FOXO3: variants seen among roughly 807,000 people sequenced by gnomAD.
The protein encoded by FOXO3 is forkhead box O3, also known as forkhead box protein O3.
A neutral mutation model predicts 41.9 loss-of-function variants in FOXO3; 4 were observed. The observed-to-expected ratio is 0.10, with a 90% CI of 0.05 to 0.22. FOXO3 has a LOEUF of 0.22. Among genes scored for constraint, FOXO3 ranks in the 10% least tolerant of loss-of-function variants. The probability of loss-of-function intolerance (pLI) is 1.00; values close to 1 mark genes in which losing one functional copy is unlikely to be tolerated. For missense variants in FOXO3, 534 were observed against 906.8 expected, an observed-to-expected ratio of 0.59 and a Z score of 5.28; for synonymous variants, 318 against 389.3, an observed-to-expected ratio of 0.82 and a Z score of 2.16.
At chr6:108,655,978 G>A (rs1246400860) in intron 1 of FOXO3, among the ~76,000 whole-genome samples, 2 of 152,186 alleles carry the variant, frequency 1.3e-5, no homozygotes, top group Non-Finnish European at 2.9e-5. Flanking sequence ...TGTATTGAAA[G>A]ACAGTCCTTT....
intron 1 of FOXO3, among the ~76,000 whole-genome samples, chr6:108,605,912 A>G (rs1777186600): frequency 6.6e-6 from 1 of 152,252 alleles, no homozygotes; most frequent in South Asian, 2.1e-4. Context: ...AGTGCTTTCA[A>G]ATCACTCAAA....
At chr6:108,614,319 A>G (rs200276208) in intron 1 of FOXO3, among the ~76,000 whole-genome samples, 3 of 152,176 alleles carry the variant, frequency 2.0e-5, no homozygotes, top group Non-Finnish European at 4.4e-5. Context: ...CTTCAATTCT[A>G]TTAGATTTTG....
At chr6:108,582,150 C>T (rs1776438121) in intron 1 of FOXO3, among the ~76,000 whole-genome samples, 2 of 152,202 alleles carry the variant, frequency 1.3e-5, no homozygotes, top group Non-Finnish European at 2.9e-5. Flanking sequence ...GAATAAAGGA[C>T]ATTGGCCCTT....
chr6:108,639,470 T>C (rs997301320), intron 1 of FOXO3: 2 of 787,764 alleles, frequency 2.5e-6, no homozygotes, highest in Non-Finnish European at 3.1e-6. Context: ...TAAGACCATG[T>C]TCTTTCTGTG....
chr6:108,582,438 C>A (rs1223154393), intron 1 of FOXO3, among the ~76,000 whole-genome samples: 4 of 152,170 alleles, frequency 2.6e-5, no homozygotes, highest in African/African-American at 4.8e-5. Flanking sequence ...TCAGTCCAGA[C>A]CAATAACATT....
At chr6:108,578,649 C>G (rs1239063028) in intron 1 of FOXO3, among the ~76,000 whole-genome samples, 2 of 152,036 alleles carry the variant, frequency 1.3e-5, no homozygotes, top group Non-Finnish European at 2.9e-5. Context: ...TGATCTTTTT[C>G]TCTTGTTTGT....
At chr6:108,579,682 G>A (rs1250510947) in intron 1 of FOXO3, among the ~76,000 whole-genome samples, 1 of 152,154 alleles carries the variant, frequency 6.6e-6, no homozygotes, top group African/African-American at 2.4e-5. Context: ...CTGGGGGCAA[G>A]GAGAGAGGGT....
At chr6:108,617,866 A>G in intron 1 of FOXO3, 1 of 320,684 alleles carries the variant, frequency 3.1e-6, no homozygotes, top group South Asian at 2.9e-5. Flanking sequence ...ATGGAGAAGG[A>G]GGAAATGAAC....
chr6:108,569,986 GGTTTTTTTTT>G (rs1776049378), intron 1 of FOXO3, among the ~76,000 whole-genome samples: 1 of 82,700 alleles, frequency 1.2e-5, no homozygotes, highest in African/African-American at 4.7e-5. Flanking sequence ...TCCCTTGCGT[GGTTTTTTTTT>G]TTTTTTTTTT....
rs1776276779 is a variant in FOXO3, at chr6:108,576,870, C to G, written c.621+15041C>G. ...TTCTGCCTTAAACAGGATCATAAAG[C>G]TTTCAAAAATTTTTTTTTCAGCTTG... On this transcript the variant is annotated intron_variant, in intron 1 of 2. Coordinates refer to ENST00000406360, the MANE Select transcript of FOXO3 (RefSeq NM_001455.4). 2.6e-5 allele frequency among the ~76,000 whole-genome samples: 4 copies of G among 152,114 alleles called. No individual in the cohort carries two copies. In the South Asian group the frequency reaches 8.3e-4, roughly 32 times the overall value.
At chr6:108,588,694 G>A (rs1776652855) in intron 1 of FOXO3, among the ~76,000 whole-genome samples, 1 of 152,220 alleles carries the variant, frequency 6.6e-6, no homozygotes, top group South Asian at 2.1e-4. Flanking sequence ...GTGCCTCGCT[G>A]ACTGGGAAAC....
chr6:108,623,231 T>C (rs760946781), intron 1 of FOXO3, among the ~76,000 whole-genome samples: 1 of 152,216 alleles, frequency 6.6e-6, no homozygotes, highest in Non-Finnish European at 1.5e-5. Context: ...CGTAGTCGTC[T>C]CAGGAGCCTA....
At chr6:108,650,829 C>CT (rs907345839) in intron 1 of FOXO3, among the ~76,000 whole-genome samples, 2 of 152,106 alleles carry the variant, frequency 1.3e-5, no homozygotes, top group African/African-American at 4.8e-5. Flanking sequence ...TTTATTTGAT[C>CT]TTTTTTTGTG....
chr6:108,560,931 C>G lies in FOXO3; in HGVS notation c.-278C>G. 1 of 1,283,604 alleles carries G rather than the reference C, an allele frequency of 7.8e-7. No individual in the cohort carries two copies. Among genetic ancestry groups the G allele is most frequent in the Non-Finnish European group, 9.9e-7 (1 of 1,013,166 alleles). The allele number at this position is 1,283,604 out of a possible 1,614,324, so 79.5% of individuals were successfully genotyped here. A position where few individuals can be genotyped will look rare whatever the true frequency, so the allele number is the denominator to read the frequency against. On this transcript the variant is annotated 5_prime_UTR_variant, in exon 1 of 3. Transcript: ENST00000406360. Reference sequence around the variant, plus strand: ...GGCCGGGGGGCGGTGTCTGCTGCGCCAGGTTCGCTGGCCGCACGTCTTCAG... The same window carrying G: ...GGCCGGGGGGCGGTGTCTGCTGCGCGAGGTTCGCTGGCCGCACGTCTTCAG...
At chr6:108,638,919 A>G (rs1359690474) in intron 1 of FOXO3, among the ~76,000 whole-genome samples, 1 of 152,164 alleles carries the variant, frequency 6.6e-6, no homozygotes, top group Non-Finnish European at 1.5e-5. Context: ...ACAGTCAGAA[A>G]AGTGGCACCG....
At chr6:108,631,251 T>C (rs1777964811) in intron 1 of FOXO3, among the ~76,000 whole-genome samples, 1 of 152,208 alleles carries the variant, frequency 6.6e-6, no homozygotes, top group Non-Finnish European at 1.5e-5. Context: ...ACACTGTCTC[T>C]GCATGTTGGA....
chr6:108,597,426 T>C (rs1168796684), intron 1 of FOXO3, among the ~76,000 whole-genome samples: 1 of 152,240 alleles, frequency 6.6e-6, no homozygotes, highest in African/African-American at 2.4e-5. Context: ...AGGATGCTCA[T>C]TTAAGAGAAA....
intron 1 of FOXO3, among the ~76,000 whole-genome samples, chr6:108,616,545 ACT>A (rs2128371239): frequency 6.6e-6 from 1 of 151,804 alleles, no homozygotes; most frequent in Non-Finnish European, 1.5e-5. Context: ...AATCCTCCCA[ACT>A]CTGCTTCTCA....
Position 108,565,638 on chromosome 6 carries a change from T to TCTG in FOXO3, c.621+3826_621+3828dup, listed in dbSNP as rs137997620. Among the ~76,000 whole-genome samples, 637 of 152,262 alleles carry TCTG rather than the reference T, an allele frequency of 4.2e-3. 4 individuals carry two copies. The highest frequency in any genetic ancestry group is 0.014 in the African/African-American group (594 of 41,528). ...GTGTGGGGGATACTGTGTTAAGATT[T>TCTG]CTGCTGCTGCTGCTGCTGCAGAAGA... On this transcript the variant is annotated intron_variant, in intron 1 of 2. Coordinates refer to ENST00000406360, the MANE Select transcript of FOXO3 (RefSeq NM_001455.4).
Sources: allele counts gnomAD v4.1 joint callset (sites outside exome capture counted in the v4.1 genomes callset), GRCh38; gene constraint gnomAD v4.1.1; transcripts MANE v1.5; gene names NCBI Gene and HGNC (gene_info 2026-07-23, HGNC 2026-07-21).